PTPN21: variants seen among roughly 807,000 people sequenced by gnomAD.
PTPN21 encodes tyrosine-protein phosphatase non-receptor type 21.
Under a neutral mutation model 131.8 loss-of-function variants are expected in PTPN21, and 77 were observed. The ratio of observed to expected loss-of-function variants is 0.58; its 90% CI spans 0.49 to 0.71. The LOEUF is 0.71. Ranked by LOEUF, PTPN21 falls within the 30% of genes least tolerant of loss-of-function variation. The pLI is 0.00. For synonymous variants in PTPN21, 715 were observed against 621.3 expected (o/e 1.15, Z -2.24); for missense variants, 1,552 against 1,527.1 (o/e 1.02, Z -0.27).
intron 10 of PTPN21, among the ~76,000 whole-genome samples, chr14:88,486,189 A>C (rs2077729639): frequency 6.6e-6 from 1 of 152,120 alleles, no homozygotes; most frequent in South Asian, 2.1e-4. Context: ...TCACCCACAC[A>C]CTTGTCGCAG....
chr14:88,532,368 T>G (rs1034158450), intron 2 of PTPN21, among the ~76,000 whole-genome samples: 1 of 152,134 alleles, frequency 6.6e-6, no homozygotes, highest in Non-Finnish European at 1.5e-5. Flanking sequence ...GTTCATTAAG[T>G]CTAAGAAAAA....
At position 88,485,111 on chromosome 14, in the gene PTPN21, T is replaced by TA. The variant is rs2077713578; in HGVS notation, c.1042_1043insT (p.Asn348IlefsTer14). On this transcript the variant is annotated frameshift_variant, in exon 12 of 19. Transcript: ENST00000556564. LOFTEE classifies it high-confidence loss of function. ...AGCATATGGTTCTGTATAATGTCCATTATAGTGCAACTGCGGTGGGGGAGG... is the reference window on the plus strand; with the variant it reads ...AGCATATGGTTCTGTATAATGTCCATATATAGTGCAACTGCGGTGGGGGAGG... The TA allele has an allele frequency of 6.2e-7, 1 of 1,609,116 alleles. No homozygotes were observed.
chr14:88,522,333 C>T (rs550526706), intron 2 of PTPN21, among the ~76,000 whole-genome samples: 18 of 144,192 alleles, frequency 1.2e-4, no homozygotes, highest in Admixed American at 2.2e-4. Flanking sequence ...GAGGCTGAGA[C>T]AAGAGAATTG....
intron 3 of PTPN21, among the ~76,000 whole-genome samples, chr14:88,511,835 T>A (rs2078188891): frequency 6.6e-6 from 1 of 152,216 alleles, no homozygotes; most frequent in Non-Finnish European, 1.5e-5. Flanking sequence ...TCTAAATCTT[T>A]ATGAAGTTAC....
chr14:88,534,659 A>C (rs1258347169), intron 2 of PTPN21, among the ~76,000 whole-genome samples: 2 of 151,918 alleles, frequency 1.3e-5, no homozygotes, highest in Admixed American at 6.6e-5. Flanking sequence ...GGATCACCTG[A>C]GGTCAGGAGT....
At chr14:88,493,348 C>T (rs932872740) in intron 10 of PTPN21, among the ~76,000 whole-genome samples, 1 of 152,162 alleles carries the variant, frequency 6.6e-6, no homozygotes, top group African/African-American at 2.4e-5. Context: ...ATTTTAAACT[C>T]AATCTTGAAG....
chr14:88,498,100 TAA>T (rs61667883), intron 8 of PTPN21, among the ~76,000 whole-genome samples: 12 of 119,446 alleles, frequency 1.0e-4, no homozygotes, highest in African/African-American at 9.1e-5. Flanking sequence ...AAACTCTGTC[TAA>T]AAAAAAAAAA....
At chr14:88,539,177 G>A (rs1312933887) in intron 2 of PTPN21, among the ~76,000 whole-genome samples, 1 of 150,414 alleles carries the variant, frequency 6.6e-6, no homozygotes, top group Non-Finnish European at 1.5e-5. Context: ...TCCACCTCCT[G>A]GGTTCAAGCA....
chr14:88,544,802 T>A (rs1002652101), intron 2 of PTPN21, among the ~76,000 whole-genome samples: 1 of 152,110 alleles, frequency 6.6e-6, no homozygotes, highest in African/African-American at 2.4e-5. Context: ...AGCAATTCTC[T>A]GCTTATAAAA....
In PTPN21 at chr14:88,466,253, GTAATT is replaced by G. The variant is rs1264812257; in HGVS notation, c.*1879_*1883del. 1.3e-5 allele frequency: 2 copies of G among 152,024 alleles called. No homozygotes were observed. Among genetic ancestry groups the G allele is most frequent in the Non-Finnish European group, 2.9e-5 (2 of 68,010 alleles). 9.4% of individuals were successfully genotyped at this position (152,024 alleles called of 1,614,324 possible). Reference sequence around the variant, plus strand: ...AATTTACATTTTGTTCCTACAAAATGTAATTTTTTAATTTTGTAAAATAAAAATGT... The same window carrying G: ...AATTTACATTTTGTTCCTACAAAATGTTTTAATTTTGTAAAATAAAAATGT... On this transcript the variant is annotated 3_prime_UTR_variant, in exon 19 of 19. Coordinates refer to ENST00000556564, the MANE Select transcript of PTPN21 (RefSeq NM_007039.4).
intron 3 of PTPN21, among the ~76,000 whole-genome samples, chr14:88,511,183 T>C (rs1243137625): frequency 1.3e-5 from 2 of 152,108 alleles, no homozygotes; most frequent in South Asian, 2.1e-4. Context: ...TCCAAAGTGC[T>C]GGGATTACAA....
chr14:88,508,040 T>C lies in PTPN21; in HGVS notation c.351-20A>G. 2 of 1,378,254 alleles carry C rather than the reference T, an allele frequency of 1.5e-6. No individual in the cohort carries two copies. Among genetic ancestry groups the C allele is most frequent in the Non-Finnish European group, 2.0e-6 (2 of 979,430 alleles). The allele number at this position is 1,378,254 out of a possible 1,614,324, so 85.4% of individuals were successfully genotyped here. Reference sequence around the variant, plus strand: ...TGATACCTATAAAAAATGTCAGTTGTATAAGGTCAATGTCAATATTATCTC... The same window carrying C: ...TGATACCTATAAAAAATGTCAGTTGCATAAGGTCAATGTCAATATTATCTC... On this transcript the variant is annotated intron_variant, in intron 3 of 18. Transcript: ENST00000556564.
chr14:88,476,560 C>T (rs2077550181), intron 13 of PTPN21, among the ~76,000 whole-genome samples: 1 of 152,108 alleles, frequency 6.6e-6, no homozygotes, highest in African/African-American at 2.4e-5. Context: ...TTTTTCATGC[C>T]TAACTGCATG....
At chr14:88,535,045 A>G (rs946739006) in intron 2 of PTPN21, among the ~76,000 whole-genome samples, 1 of 152,158 alleles carries the variant, frequency 6.6e-6, no homozygotes, top group Non-Finnish European at 1.5e-5. Context: ...AGTACCCTAT[A>G]CAGGTGTACC....
intron 10 of PTPN21, among the ~76,000 whole-genome samples, chr14:88,492,616 A>T (rs2077842087): frequency 6.6e-6 from 1 of 152,202 alleles, no homozygotes; most frequent in African/African-American, 2.4e-5. Context: ...CCCGCATGTT[A>T]TCTTTACACT....
chr14:88,485,075 C>T lies in PTPN21; in HGVS notation c.1078+1G>A. On this transcript the variant is annotated splice_donor_variant, in intron 12 of 18. Transcript: ENST00000556564. LOFTEE classifies it high-confidence loss of function. ...GGCATGGCAGAAACAGTGTACTTTA[C>T]CTTGGGAAGAAGCATATGGTTCTGT... 6.3e-7 allele frequency: 1 copy of T among 1,579,060 alleles called. No homozygotes were observed. The highest frequency in any genetic ancestry group is 8.7e-7 in the Non-Finnish European group (1 of 1,148,166).
At chr14:88,496,641 G>T in intron 9 of PTPN21, 149 bp from the exon 10 acceptor site, 1 of 635,228 alleles carries the variant, frequency 1.6e-6, no homozygotes, top group East Asian at 2.7e-5. Flanking sequence ...CCAACACTGT[G>T]CCCATGGTAT....
chr14:88,547,364 TA>T (rs2078798045), intron 2 of PTPN21, among the ~76,000 whole-genome samples: 1 of 149,876 alleles, frequency 6.7e-6, no homozygotes, highest in Non-Finnish European at 1.5e-5. Flanking sequence ...TATAAGCCAC[TA>T]AGCCAGGCAA....
chr14:88,469,734 C>G lies in PTPN21; in HGVS notation c.3001-1G>C. Reference sequence around the variant, plus strand: ...TAAAGCTCTTCTCCCTTCCACCCTCCTGTTAAAGATGAGCATGGTTAAATG... The same window carrying G: ...TAAAGCTCTTCTCCCTTCCACCCTCGTGTTAAAGATGAGCATGGTTAAATG... On this transcript the variant is annotated splice_acceptor_variant, in intron 16 of 18. Transcript: ENST00000556564. LOFTEE classifies it high-confidence loss of function. The surrounding 1 kb of genome is among the most constrained non-coding windows in gnomAD (Gnocchi z 4.3). 1.2e-6 allele frequency: 2 copies of G among 1,613,964 alleles called. No individual in the cohort carries two copies.
Sources: allele counts gnomAD v4.1 joint callset (sites outside exome capture counted in the v4.1 genomes callset), GRCh38; gene constraint gnomAD v4.1.1; non-coding constraint Gnocchi (gnomAD v3.1); transcripts MANE v1.5; gene names NCBI Gene and HGNC (gene_info 2026-07-23, HGNC 2026-07-21).